PARP15: variants seen among roughly 807,000 people sequenced by gnomAD.
PARP15 encodes the protein protein mono-ADP-ribosyltransferase PARP15.
A neutral mutation model predicts 62.1 loss-of-function variants in PARP15; 50 were observed. The observed-to-expected ratio is 0.81, with a 90% CI of 0.64 to 1.02. The LOEUF (loss-of-function observed/expected upper bound fraction) is 1.02. Among genes scored for constraint, PARP15 ranks in the 50% least tolerant of loss-of-function variants. The probability of loss-of-function intolerance (pLI) is 0.00; values close to 1 mark genes in which losing one functional copy is unlikely to be tolerated. For missense variants in PARP15, 820 were observed against 826.5 expected (o/e 0.99, Z 0.10); for synonymous variants, 309 against 293.1 (o/e 1.05, Z -0.55).
At chr3:122,630,362 C>T (rs1212059126) in intron 9 of PARP15, among the ~76,000 whole-genome samples, 2 of 152,116 alleles carry the variant, frequency 1.3e-5, no homozygotes, top group Non-Finnish European at 2.9e-5. Context: ...AAGAAAATAC[C>T]TTTGGCTTTA....
rs1464077768 is a variant in PARP15 at position 122,626,913 on chromosome 3, T to G, written c.1318T>G (p.Leu440Val). ...DFSSQHSTPS[L>V]KTVKVVIFQP... The stretch of plus-strand genomic sequence containing the variant: ...CTCATCACAACATTCCACCCCATCA[T>G]TAAAAACAGTTAAAGTTGTCATTTT... Residue 440 changes from leucine (L) to valine (V), a missense_variant, in exon 9 of 12, where the codon TTA becomes GTA. Coordinates refer to ENST00000464300, the MANE Select transcript of PARP15 (RefSeq NM_001113523.3). 6.2e-7 allele frequency: 1 copy of G among 1,614,012 alleles called. No individual in the cohort carries two copies. The highest frequency in any genetic ancestry group is 8.5e-7 in the Non-Finnish European group (1 of 1,179,944).
Position 122,610,554 on chromosome 3 carries a change from C to T in PARP15, c.367C>T (p.Arg123Trp), listed in dbSNP as rs1398090843. Residue 123 changes from arginine (R) to tryptophan (W), a missense_variant, in exon 3 of 12, where the codon CGG becomes TGG. Transcript: ENST00000464300. ...TCAGCTTGGAGGAGGACCACTATCTCGGGCATTTTTGCAGAAAGCTGGTCC... is the reference window on the plus strand; with the variant it reads ...TCAGCTTGGAGGAGGACCACTATCTTGGGCATTTTTGCAGAAAGCTGGTCC... Reference protein sequence around the residue: ...NLQLGGGPLSRAFLQKAGPML... With the variant: ...NLQLGGGPLSWAFLQKAGPML... The T allele has an allele frequency of 7.7e-6, 12 of 1,551,684 alleles. No homozygotes were observed. Among genetic ancestry groups the T allele is most frequent in the Middle Eastern group, 1.7e-4 (1 of 5,992 alleles).
chr3:122,599,746 C>T (rs1339988501), intron 1 of PARP15, among the ~76,000 whole-genome samples: 1 of 152,058 alleles, frequency 6.6e-6, no homozygotes, highest in Non-Finnish European at 1.5e-5. Context: ...GCTAATTTTT[C>T]AATGTTTTCA....
intron 1 of PARP15, among the ~76,000 whole-genome samples, chr3:122,598,885 CT>C (rs911235005): frequency 8.6e-5 from 13 of 151,778 alleles, no homozygotes; most frequent in African/African-American, 2.2e-4. Context: ...TTATTTTATT[CT>C]TTTTTTTATT....
chr3:122,617,019 G>T lies in PARP15; in HGVS notation c.855G>T (p.Val285=). 1 of 1,613,876 alleles carries T rather than the reference G, an allele frequency of 6.2e-7. No individual in the cohort carries two copies. The highest frequency in any genetic ancestry group is 2.2e-5 in the East Asian group (1 of 44,902). The change falls in exon 6 of 12, where the codon GTG becomes GTT. Residue 285 remains valine, a synonymous_variant. Transcript: ENST00000464300. ...RIPMAGDTQG[V]VGTVSKPCFT... is the part of the protein sequence containing the mutation. Reference sequence around the variant, plus strand: ...ACCTATTTTCTTTCTTTTCAGGTGTGGTCGGGACTGTCTCTAAGCCTTGTT... The same window carrying T: ...ACCTATTTTCTTTCTTTTCAGGTGTTGTCGGGACTGTCTCTAAGCCTTGTT...
intron 5 of PARP15, among the ~76,000 whole-genome samples, chr3:122,616,546 G>C (rs1272163484): frequency 1.3e-5 from 2 of 151,900 alleles, no homozygotes; most frequent in East Asian, 3.9e-4. Context: ...TGACCAAGCT[G>C]GTCTCGAACT....
At chr3:122,629,385 C>A (rs1433143693) in intron 9 of PARP15, among the ~76,000 whole-genome samples, 1 of 152,150 alleles carries the variant, frequency 6.6e-6, no homozygotes, top group Non-Finnish European at 1.5e-5. Context: ...CACCCACCGG[C>A]CTCTCAAAGT....
In PARP15 at chr3:122,637,111, CTGGCAAGGATCATTG is replaced by C. The variant is rs552725704; in HGVS notation, c.*1012_*1026del. The C allele has an allele frequency of 2.6e-5, 4 of 152,378 alleles. No individual in the cohort carries two copies. In the East Asian group the frequency reaches 7.7e-4, roughly 29 times the overall value. The allele number at this position is 152,378 out of a possible 1,614,324, so 9.4% of individuals were successfully genotyped here. On this transcript the variant is annotated 3_prime_UTR_variant, in exon 12 of 12. Coordinates refer to ENST00000464300, the MANE Select transcript of PARP15 (RefSeq NM_001113523.3). ...ATTGCACAAGGGCATGAATACTCCA[CTGGCAAGGATCATTG>C]GGGGCCATCTTGGAAGCTGTGTGAA...
At chr3:122,590,397 C>T (rs7640478) in intron 1 of PARP15, among the ~76,000 whole-genome samples, 2 of 151,258 alleles carry the variant, frequency 1.3e-5, no homozygotes, top group Non-Finnish European at 1.5e-5. Context: ...CTCAGCCTCC[C>T]GAGTAGCTGG....
At chr3:122,626,355 C>T (rs1434540457) in intron 8 of PARP15, among the ~76,000 whole-genome samples, 4 of 152,030 alleles carry the variant, frequency 2.6e-5, no homozygotes, top group East Asian at 3.9e-4. Flanking sequence ...CCCGCCACAA[C>T]GCCTGGCTAA....
chr3:122,600,309 G>T (rs73858320), intron 1 of PARP15, among the ~76,000 whole-genome samples: 2,196 of 152,002 alleles, frequency 0.014, 57 homozygotes, highest in African/African-American at 0.049. Flanking sequence ...ACTAAGTGAT[G>T]GTCTATCTTC....
At chr3:122,616,945 G>A in intron 5 of PARP15, 70 bp from the exon 6 acceptor site, 1 of 1,528,456 alleles carries the variant, frequency 6.5e-7, no homozygotes. Context: ...AGAGAATAGG[G>A]CCCCAAGATG....
intron 1 of PARP15, among the ~76,000 whole-genome samples, chr3:122,605,346 A>G (rs930241454): frequency 6.6e-6 from 1 of 152,136 alleles, no homozygotes; most frequent in African/African-American, 2.4e-5. Flanking sequence ...TTTAAGTAGT[A>G]AGGGCTGGGG....
At chr3:122,624,296 A>G (rs1039462472) in intron 8 of PARP15, among the ~76,000 whole-genome samples, 2 of 152,210 alleles carry the variant, frequency 1.3e-5, no homozygotes, top group Admixed American at 1.3e-4. Context: ...TTGAGTCCTT[A>G]CTGTACGTTC....
intron 1 of PARP15, among the ~76,000 whole-genome samples, chr3:122,584,432 T>C (rs953426483): frequency 3.9e-5 from 6 of 152,196 alleles, no homozygotes; most frequent in African/African-American, 1.2e-4. Flanking sequence ...TACAGAACAA[T>C]GTTAAGTCAT....
rs537519365 is a variant in PARP15, at chr3:122,633,880, T to C, written c.1573-1140T>C. 1.2e-4 allele frequency among the ~76,000 whole-genome samples: 19 copies of C among 152,300 alleles called. No individual in the cohort carries two copies. The South Asian group carries it at 3.7e-3, about 30-fold the overall frequency. ...TTGAAAACCCCCAACTTTGGATTAG[T>C]CCCATAACCTACCTTCTCTGCTGCT... On this transcript the variant is annotated intron_variant, in intron 10 of 11. Coordinates refer to ENST00000464300, the MANE Select transcript of PARP15 (RefSeq NM_001113523.3).
At chr3:122,591,240 A>G (rs1032225161) in intron 1 of PARP15, among the ~76,000 whole-genome samples, 3 of 152,236 alleles carry the variant, frequency 2.0e-5, no homozygotes, top group Non-Finnish European at 4.4e-5. Context: ...CACAAAAGTA[A>G]TACTTTCCAG....
Position 122,632,210 on chromosome 3 carries a change from AAT to A in PARP15, c.1565_1566del (p.Ile522ArgfsTer4). On this transcript the variant is annotated frameshift_variant, in exon 10 of 12. Coordinates refer to ENST00000464300, the MANE Select transcript of PARP15 (RefSeq NM_001113523.3). LOFTEE classifies it high-confidence loss of function. ...KFTRTCSSYA[I>X]EKIERIQNAF... ...TCACCCGAACTTGTTCTTCCTACGC[AAT>A]AGAGAAGGTAATACTGTGTTAAAAT... The A allele has an allele frequency of 6.2e-7, 1 of 1,613,278 alleles. No individual in the cohort carries two copies. The highest frequency in any genetic ancestry group is 8.5e-7 in the Non-Finnish European group (1 of 1,179,752).
chr3:122,594,773 G>A (rs1046693201), intron 1 of PARP15: 5 of 980,888 alleles, frequency 5.1e-6, no homozygotes, highest in Non-Finnish European at 6.1e-6. Flanking sequence ...TAATGTTTGT[G>A]ATGGACACCA....
Sources: gnomAD v4.1 joint callset for allele counts (sites outside exome capture counted in the v4.1 genomes callset) on GRCh38, gnomAD v4.1.1 for gene constraint, MANE v1.5 for transcripts, NCBI Gene and HGNC (gene_info 2026-07-23, HGNC 2026-07-21) for gene names.